The following CALD1 variants were observed in gnomAD, a reference collection of about 807,000 sequenced individuals.
CALD1 encodes caldesmon.
CALD1 carries 33 observed loss-of-function variants against 99.9 expected under a neutral mutation model. The ratio of observed to expected loss-of-function variants is 0.33; its 90% confidence interval spans 0.25 to 0.44. CALD1 has a LOEUF of 0.44. Ranked by LOEUF, CALD1 falls within the 20% of genes least tolerant of loss-of-function variation. The pLI, the probability that CALD1 is intolerant of heterozygous loss-of-function variation, is 1.00. For missense variants in CALD1, 861 were observed against 962.1 expected (o/e 0.89, Z 1.39); for synonymous variants, 310 against 325.0 (o/e 0.95, Z 0.50).
At chr7:134,925,433 G>A (rs1456118390) in intron 3 of CALD1, among the ~76,000 whole-genome samples, 1 of 152,094 alleles carries the variant, frequency 6.6e-6, no homozygotes, top group African/African-American at 2.4e-5. Flanking sequence ...TAGGATAGGT[G>A]TATAAGTTCG....
chr7:134,804,292 G>A (rs1198677044), intron 1 of CALD1, among the ~76,000 whole-genome samples: 1 of 152,158 alleles, frequency 6.6e-6, no homozygotes, highest in Non-Finnish European at 1.5e-5. Flanking sequence ...TATCCCCCAT[G>A]ATTTAATAAT....
intron 3 of CALD1, among the ~76,000 whole-genome samples, chr7:134,894,445 A>C (rs1802420521): frequency 6.6e-6 from 1 of 152,168 alleles, no homozygotes; most frequent in South Asian, 2.1e-4. Flanking sequence ...AGTAAATCAA[A>C]CTCAATTCCC....
intron 3 of CALD1, 71 bp from the exon 4 acceptor site, chr7:134,928,683 T>C: frequency 6.8e-7 from 1 of 1,478,914 alleles, no homozygotes. Flanking sequence ...CTCAGGGCTG[T>C]TCCTGCCAAG....
chr7:134,839,816 T>C (rs1309794511), intron 1 of CALD1, among the ~76,000 whole-genome samples: 1 of 152,096 alleles, frequency 6.6e-6, no homozygotes, highest in Non-Finnish European at 1.5e-5. Context: ...TAGCCCCCCA[T>C]GTAGCTGAGA....
chr7:134,802,366 G>C (rs540332087), intron 1 of CALD1, among the ~76,000 whole-genome samples: 27 of 152,174 alleles, frequency 1.8e-4, no homozygotes, highest in African/African-American at 6.0e-4. Flanking sequence ...GCAACATAAT[G>C]TTTTTATGAT....
At chr7:134,765,851 T>C (rs577632165) in intron 1 of CALD1, among the ~76,000 whole-genome samples, 88 of 152,322 alleles carry the variant, frequency 5.8e-4, no homozygotes, top group African/African-American at 2.1e-3. Flanking sequence ...ATCATGGGGA[T>C]GGATTTCTCA....
chr7:134,800,996 A>C (rs998123672), intron 1 of CALD1, among the ~76,000 whole-genome samples: 4 of 152,106 alleles, frequency 2.6e-5, no homozygotes, highest in African/African-American at 9.7e-5. Context: ...AACCTACAGT[A>C]TAAGTGCCTA....
the CALD1 span, among the ~76,000 whole-genome samples, chr7:134,715,418 G>C: frequency 6.6e-6 from 1 of 152,080 alleles, no homozygotes; most frequent in Non-Finnish European, 1.5e-5. Flanking sequence ...GTAAACTATT[G>C]CAAGTATACA....
chr7:134,788,654 T>C (rs1249587097), intron 1 of CALD1, among the ~76,000 whole-genome samples: 1 of 152,206 alleles, frequency 6.6e-6, no homozygotes, highest in African/African-American at 2.4e-5. Context: ...TTCAGTGCTG[T>C]GATTTGAACC....
At position 134,933,045 on chromosome 7, in the gene CALD1, T is replaced by G. The variant is rs1586350308; in HGVS notation, c.276T>G (p.Asp92Glu). 1.9e-6 allele frequency: 3 copies of G among 1,613,702 alleles called. No homozygotes were observed. Among genetic ancestry groups the G allele is most frequent in the Middle Eastern group, 1.6e-4 (1 of 6,062 alleles). Residue 92 changes from aspartate to glutamate, a missense_variant, in exon 5 of 15, where the codon GAT becomes GAG. Coordinates refer to ENST00000361675, the MANE Select transcript of CALD1 (RefSeq NM_033138.4). ...CAAACACTCAAGTGGAAGGGGATGA[T>G]GAGGCCGCATTCCTGGAGCGCCTGG... ...TTTNTQVEGD[D>E]EAAFLERLAR... is the part of the protein sequence containing the mutation.
At chr7:134,789,978 A>G (rs1797457833) in intron 1 of CALD1, among the ~76,000 whole-genome samples, 1 of 151,248 alleles carries the variant, frequency 6.6e-6, no homozygotes, top group South Asian at 2.1e-4. Flanking sequence ...AAAGAGTTGT[A>G]TTATTCCTGA....
At chr7:134,940,784 A>C (rs1806365735) in intron 6 of CALD1, among the ~76,000 whole-genome samples, 1 of 152,226 alleles carries the variant, frequency 6.6e-6, no homozygotes, top group Non-Finnish European at 1.5e-5. Context: ...AGCTACTTTT[A>C]CATGAAGTTC....
At chr7:134,963,158 C>G (rs1173909226) in intron 13 of CALD1, among the ~76,000 whole-genome samples, 2 of 152,176 alleles carry the variant, frequency 1.3e-5, no homozygotes, top group Non-Finnish European at 1.5e-5. Context: ...TAGCTGCTTT[C>G]CAGAGCTTCC....
At chr7:134,943,500 A>G (rs1371143308) in intron 7 of CALD1, among the ~76,000 whole-genome samples, 2 of 152,358 alleles carry the variant, frequency 1.3e-5, no homozygotes, top group Non-Finnish European at 1.5e-5. Flanking sequence ...TCTCTAAAAC[A>G]TGACATAAAA....
chr7:134,941,031 C>A, intron 6 of CALD1, 61 bp from the exon 7 acceptor site: 2 of 1,454,366 alleles, frequency 1.4e-6, no homozygotes, highest in Non-Finnish European at 1.8e-6. Context: ...TTGATGATAC[C>A]AACCAAAACC....
intron 1 of CALD1, among the ~76,000 whole-genome samples, chr7:134,760,173 G>T (rs904436874): frequency 6.6e-6 from 1 of 152,218 alleles, no homozygotes; most frequent in African/African-American, 2.4e-5. Context: ...CTGAGAGATA[G>T]AAGGGCAAGA....
chr7:134,956,840 G>A (rs2133214234), intron 9 of CALD1, among the ~76,000 whole-genome samples: 1 of 152,316 alleles, frequency 6.6e-6, no homozygotes, highest in East Asian at 1.9e-4. Context: ...ATTGATAGGT[G>A]ATGGGTGGTA....
At chr7:134,770,589 C>T (rs1796868999) in intron 1 of CALD1, among the ~76,000 whole-genome samples, 7 of 152,162 alleles carry the variant, frequency 4.6e-5, no homozygotes, top group Admixed American at 3.9e-4. Context: ...CTCAAATCTC[C>T]CTGTCTTTTT....
chr7:134,835,031 T>C (rs1241318978), intron 1 of CALD1, among the ~76,000 whole-genome samples: 5 of 152,222 alleles, frequency 3.3e-5, no homozygotes, highest in African/African-American at 1.2e-4. Context: ...AGTTTTCTAG[T>C]GCAAAGGCCT....
Sources: gnomAD v4.1 joint callset for allele counts (sites outside exome capture counted in the v4.1 genomes callset) on GRCh38, gnomAD v4.1.1 for gene constraint, MANE v1.5 for transcripts, NCBI Gene and HGNC (gene_info 2026-07-23, HGNC 2026-07-21) for gene names.